Variants in CTNND2 observed in about 807,000 individuals in gnomAD.
CTNND2 encodes catenin delta-2.
A neutral mutation model predicts 144.4 loss-of-function variants in CTNND2; 22 were observed. The ratio of observed to expected loss-of-function variants is 0.15; its 90% CI spans 0.11 to 0.22. The LOEUF is 0.22. CTNND2 is among the 10% of genes least tolerant of loss of function. The pLI is 1.00. For missense variants in CTNND2, 1,353 were observed against 1,618.8 expected (o/e 0.84, Z 2.82); for synonymous variants, 751 against 695.6 (o/e 1.08, Z -1.25).
intron 2 of CTNND2, among the ~76,000 whole-genome samples, chr5:11,709,596 C>T (rs772989753): frequency 2.0e-5 from 3 of 152,164 alleles, no homozygotes; most frequent in East Asian, 1.9e-4. Flanking sequence ...AAGAATACAG[C>T]GTGACCTGCA....
intron 15 of CTNND2, among the ~76,000 whole-genome samples, chr5:11,085,416 G>T (rs1175839355): frequency 3.3e-5 from 5 of 152,192 alleles, no homozygotes; most frequent in African/African-American, 1.2e-4. Flanking sequence ...AGACCAATTT[G>T]TCCAGATTTA....
At chr5:11,082,936 A>G (rs556922504) in intron 15 of CTNND2, 90 bp from the exon 16 acceptor site, 2 of 1,456,890 alleles carry the variant, frequency 1.4e-6, no homozygotes, top group East Asian at 2.4e-5. Flanking sequence ...GGCTGCTTAC[A>G]GGAGCCAAAA....
At chr5:11,781,697 C>G (rs1192196080) in intron 1 of CTNND2, among the ~76,000 whole-genome samples, 1 of 152,202 alleles carries the variant, frequency 6.6e-6, no homozygotes, top group Non-Finnish European at 1.5e-5. Context: ...CTCCTCAACT[C>G]TGAACCAGGT....
At chr5:11,528,342 ATAC>A (rs1240619454) in intron 3 of CTNND2, among the ~76,000 whole-genome samples, 1 of 152,182 alleles carries the variant, frequency 6.6e-6, no homozygotes, top group Non-Finnish European at 1.5e-5. Context: ...TTTCATTTGT[ATAC>A]TCACTTTGTG....
At chr5:11,627,470 C>T (rs1781215273) in intron 2 of CTNND2, among the ~76,000 whole-genome samples, 1 of 152,038 alleles carries the variant, frequency 6.6e-6, no homozygotes, top group African/African-American at 2.4e-5. Context: ...ACAAAATGTT[C>T]AGACTCCATG....
intron 1 of CTNND2, among the ~76,000 whole-genome samples, chr5:11,751,426 CTTCT>C (rs1216382567): frequency 1.3e-5 from 2 of 151,802 alleles, no homozygotes; most frequent in Non-Finnish European, 2.9e-5. Flanking sequence ...CTGTTGTTCC[CTTCT>C]TTGTGTCCAC....
intron 11 of CTNND2, among the ~76,000 whole-genome samples, chr5:11,186,352 C>G (rs2149808015): frequency 6.6e-6 from 1 of 152,290 alleles, no homozygotes; most frequent in East Asian, 1.9e-4. Context: ...TTAACACTGC[C>G]ATCAGTAACA....
intron 2 of CTNND2, among the ~76,000 whole-genome samples, chr5:11,698,356 T>G (rs1785237729): frequency 6.6e-6 from 1 of 151,574 alleles, no homozygotes; most frequent in South Asian, 2.1e-4. Flanking sequence ...TGGCGCGATC[T>G]CGGCCCCCTG....
chr5:11,719,850 A>G (rs1305686246), intron 2 of CTNND2, among the ~76,000 whole-genome samples: 1 of 149,836 alleles, frequency 6.7e-6, no homozygotes, highest in Non-Finnish European at 1.5e-5. Context: ...ACACACACAC[A>G]CACACACACA....
intron 9 of CTNND2, among the ~76,000 whole-genome samples, chr5:11,310,054 T>C (rs1048774868): frequency 5.3e-5 from 8 of 152,224 alleles, no homozygotes; most frequent in Admixed American, 4.6e-4. Context: ...AGTTACTCTA[T>C]CTCAGGTAGT....
At chr5:11,737,787 G>A (rs1043034027) in intron 1 of CTNND2, among the ~76,000 whole-genome samples, 4 of 152,148 alleles carry the variant, frequency 2.6e-5, no homozygotes, top group Non-Finnish European at 4.4e-5. Context: ...TATACGAAGA[G>A]CAAGTGGCAT....
chr5:11,352,285 C>G (rs918577342), intron 8 of CTNND2, among the ~76,000 whole-genome samples: 25 of 152,154 alleles, frequency 1.6e-4, no homozygotes, highest in African/African-American at 6.0e-4. Flanking sequence ...GGTTCTCAAA[C>G]TGAATGTGGG....
rs553745377 is a variant in CTNND2 at position 11,241,937 on chromosome 5, T to C, written c.1629-5114A>G. Among the ~76,000 whole-genome samples, 31 of 144,880 alleles carry C rather than the reference T, an allele frequency of 2.1e-4. 1 individual carries two copies. The South Asian group carries it at 6.8e-3, about 32-fold the overall frequency. ...GTGTGGAGTCACCGGGGGTGGGGGG[T>C]CGGTTATTTGGGAAAGGGGAGCCAT... On this transcript the variant is annotated intron_variant, in intron 9 of 21. Coordinates refer to ENST00000304623, the MANE Select transcript of CTNND2 (RefSeq NM_001332.4).
intron 16 of CTNND2, among the ~76,000 whole-genome samples, chr5:11,026,911 G>A (rs1287251934): frequency 6.6e-6 from 1 of 152,122 alleles, no homozygotes; most frequent in Admixed American, 6.6e-5. Context: ...GATTTCACGC[G>A]GGAATAACAC....
At chr5:11,596,810 A>G (rs2126305822) in intron 2 of CTNND2, among the ~76,000 whole-genome samples, 1 of 152,316 alleles carries the variant, frequency 6.6e-6, no homozygotes, top group Admixed American at 6.5e-5. Flanking sequence ...CATGACTGGC[A>G]TTCCCCTATG....
intron 11 of CTNND2, among the ~76,000 whole-genome samples, chr5:11,193,178 G>C (rs987459338): frequency 6.6e-6 from 1 of 152,082 alleles, no homozygotes; most frequent in South Asian, 2.1e-4. Context: ...ATAAAAAATT[G>C]GGAGAAGATG....
At chr5:11,013,362 A>G (rs1275767857) in intron 18 of CTNND2, among the ~76,000 whole-genome samples, 1 of 152,180 alleles carries the variant, frequency 6.6e-6, no homozygotes, top group Non-Finnish European at 1.5e-5. Flanking sequence ...GTAATTTTCT[A>G]ATTATATAGA....
intron 18 of CTNND2, among the ~76,000 whole-genome samples, chr5:11,008,296 G>A (rs536816901): frequency 6.6e-6 from 1 of 152,320 alleles, no homozygotes; most frequent in African/African-American, 2.4e-5. Context: ...CCTTGAAAGG[G>A]AGAGATCATT....
chr5:11,779,684 A>G (rs1790441259), intron 1 of CTNND2, among the ~76,000 whole-genome samples: 3 of 152,226 alleles, frequency 2.0e-5, no homozygotes, highest in Admixed American at 2.0e-4. Flanking sequence ...TGATGTATAA[A>G]TATCAAATGG....
Sources: allele counts gnomAD v4.1 joint callset (sites outside exome capture counted in the v4.1 genomes callset), GRCh38; gene constraint gnomAD v4.1.1; transcripts MANE v1.5; gene names NCBI Gene and HGNC (gene_info 2026-07-23, HGNC 2026-07-21).